The following RASEF variants were observed in gnomAD, a reference collection of about 807,000 sequenced individuals.
RASEF encodes RAS and EF-hand domain containing, also known as ras and EF-hand domain-containing protein.
Under a neutral mutation model 90.1 loss-of-function variants are expected in RASEF, and 68 were observed. That is an observed-to-expected ratio of 0.75 (90% confidence interval 0.62 to 0.92). The LOEUF (loss-of-function observed/expected upper bound fraction) is 0.92, where lower values mean the gene tolerates loss of function less well. Ranked by LOEUF, RASEF falls within the 40% of genes least tolerant of loss-of-function variation. The pLI is 0.00. For missense variants in RASEF, 949 were observed against 937.2 expected, an observed-to-expected ratio of 1.01 and a Z score of -0.16; for synonymous variants, 331 against 345.2, an observed-to-expected ratio of 0.96 and a Z score of 0.46.
chr9:83,108,346 G>A, the RASEF span, among the ~76,000 whole-genome samples: 1 of 152,136 alleles, frequency 6.6e-6, no homozygotes, highest in South Asian at 2.1e-4. Context: ...AGAAGTCAGA[G>A]AACTATGGCC....
At chr9:83,019,110 TG>T (rs1302122736) in intron 3 of RASEF, among the ~76,000 whole-genome samples, 1 of 151,890 alleles carries the variant, frequency 6.6e-6, no homozygotes, top group Non-Finnish European at 1.5e-5. Flanking sequence ...GTATGGTCCA[TG>T]AAAAAAAGTA....
At chr9:83,127,273 T>G in the RASEF span, among the ~76,000 whole-genome samples, 1 of 152,194 alleles carries the variant, frequency 6.6e-6, no homozygotes. Context: ...AGTCACAAGT[T>G]TTGCTAATAC....
chr9:83,145,274 A>G, the RASEF span, among the ~76,000 whole-genome samples: 3 of 152,182 alleles, frequency 2.0e-5, no homozygotes, highest in Non-Finnish European at 2.9e-5. Flanking sequence ...TCTGGAGTGG[A>G]GTTGTACCAT....
Position 82,982,476 on chromosome 9 carries a change from G to A in RASEF, c.*201C>T. On this transcript the variant is annotated 3_prime_UTR_variant, in exon 17 of 17. Transcript: ENST00000376447. The stretch of plus-strand genomic sequence containing the variant: ...AGGACATGACTAGTCTATTTAGCCA[G>A]AGGGCCCAAATCACTCACTGAGACA... 1 of 493,736 alleles carries A rather than the reference G, an allele frequency of 2.0e-6. No homozygotes were observed. The highest frequency in any genetic ancestry group is 3.7e-6 in the Non-Finnish European group (1 of 271,526). 30.6% of individuals were successfully genotyped at this position (493,736 alleles called of 1,614,324 possible). A position where few individuals can be genotyped will look rare whatever the true frequency, so the allele number is the denominator to read the frequency against.
At chr9:83,087,377 A>G in the RASEF span, among the ~76,000 whole-genome samples, 2 of 142,112 alleles carry the variant, frequency 1.4e-5, no homozygotes, top group Admixed American at 1.4e-4. Flanking sequence ...GACACCAGAG[A>G]ATTTGCTCAT....
intron 1 of RASEF, among the ~76,000 whole-genome samples, chr9:83,046,203 G>C (rs563080752): frequency 6.6e-6 from 1 of 152,086 alleles, no homozygotes; most frequent in Non-Finnish European, 1.5e-5. Context: ...ACTAAGCCTA[G>C]TACCCAATAG....
chr9:83,064,440 G>A (rs1830264498), upstream of RASEF, among the ~76,000 whole-genome samples: 4 of 152,182 alleles, frequency 2.6e-5, no homozygotes, highest in South Asian at 8.3e-4. Flanking sequence ...GAGCTTATGT[G>A]CTTTCCTGTT....
Position 82,980,872 on chromosome 9 carries a change from TTACTGAGGA to T in RASEF, c.*1796_*1804del, listed in dbSNP as rs1172752809. 6.6e-6 allele frequency: 1 copy of T among 152,162 alleles called. No individual in the cohort carries two copies. Among genetic ancestry groups the T allele is most frequent in the Non-Finnish European group, 1.5e-5 (1 of 68,024 alleles). The allele number at this position is 152,162 out of a possible 1,614,324, so 9.4% of individuals were successfully genotyped here. On this transcript the variant is annotated 3_prime_UTR_variant, in exon 17 of 17. Transcript: ENST00000376447. ...CAGGAAACAGGAATTCATGGCAGAG[TTACTGAGGA>T]TAGATCCAACTTTCCAGCAAAAATA...
chr9:83,073,831 A>G, the RASEF span, among the ~76,000 whole-genome samples: 1 of 152,226 alleles, frequency 6.6e-6, no homozygotes, highest in Non-Finnish European at 1.5e-5. Context: ...ACAAACCAAT[A>G]ATGTAAACAA....
At chr9:83,021,936 G>C (rs1829451350) in intron 3 of RASEF, among the ~76,000 whole-genome samples, 1 of 151,954 alleles carries the variant, frequency 6.6e-6, no homozygotes, top group Non-Finnish European at 1.5e-5. Context: ...GATTTAAAGT[G>C]GGCAGCAGGT....
the RASEF span, among the ~76,000 whole-genome samples, chr9:83,121,746 A>G: frequency 0.054 from 8,168 of 152,252 alleles, 274 homozygotes; most frequent in South Asian, 0.1. Context: ...TACAAAAACG[A>G]TGACTCTATT....
the RASEF span, among the ~76,000 whole-genome samples, chr9:83,161,324 G>A: frequency 9.9e-5 from 15 of 152,276 alleles, no homozygotes; most frequent in Non-Finnish European, 1.9e-4. Flanking sequence ...CCACCTCTCG[G>A]ATCAGCATGA....
chr9:83,163,980 A>C, the RASEF span, among the ~76,000 whole-genome samples: 1 of 144,680 alleles, frequency 6.9e-6, no homozygotes, highest in Non-Finnish European at 1.5e-5. Context: ...CAGAGAAAAC[A>C]AATCTTACTT....
chr9:83,192,052 A>T, the RASEF span, among the ~76,000 whole-genome samples: 2 of 152,224 alleles, frequency 1.3e-5, no homozygotes, highest in Non-Finnish European at 2.9e-5. Flanking sequence ...AAGTCAAAAA[A>T]TAACAGATGC....
At chr9:83,015,942 C>A in intron 3 of RASEF, 42 bp from the exon 4 acceptor site, 5 of 1,451,062 alleles carry the variant, frequency 3.4e-6, no homozygotes, top group Non-Finnish European at 4.8e-6. Flanking sequence ...AATAAGTTCA[C>A]CCTCTTAACC....
the RASEF span, among the ~76,000 whole-genome samples, chr9:83,107,614 A>G: frequency 2.0e-5 from 3 of 152,206 alleles, no homozygotes. Context: ...GATAGAAGCT[A>G]AATCAACAGA....
the RASEF span, among the ~76,000 whole-genome samples, chr9:83,096,593 C>G: frequency 2.6e-5 from 4 of 151,994 alleles, no homozygotes; most frequent in Non-Finnish European, 5.9e-5. Flanking sequence ...GTGAGCTGAT[C>G]CCTCACCTAC....
At chr9:83,094,933 C>T in the RASEF span, among the ~76,000 whole-genome samples, 1 of 152,144 alleles carries the variant, frequency 6.6e-6, no homozygotes, top group African/African-American at 2.4e-5. Context: ...AAGGTAGCCT[C>T]ACGTCCAAGC....
chr9:83,184,922 G>A, the RASEF span, among the ~76,000 whole-genome samples: 6 of 152,094 alleles, frequency 3.9e-5, no homozygotes, highest in East Asian at 1.9e-4. Flanking sequence ...AGGCAGTTCC[G>A]GAACGTGCAG....
Sources: allele counts gnomAD v4.1 joint callset (sites outside exome capture counted in the v4.1 genomes callset), GRCh38; gene constraint gnomAD v4.1.1; transcripts MANE v1.5; gene names NCBI Gene and HGNC (gene_info 2026-07-23, HGNC 2026-07-21).